NOX4: variants seen among roughly 807,000 people sequenced by gnomAD.
The protein encoded by NOX4 is kidney oxidase-1.
In NOX4, 69 loss-of-function variants were observed where a neutral mutation model predicts 87.6. The observed-to-expected ratio is 0.79, with a 90% CI of 0.65 to 0.96. The LOEUF (loss-of-function observed/expected upper bound fraction) is 0.96. Among genes scored for constraint, NOX4 ranks in the 40% least tolerant of loss-of-function variants. The pLI is 0.00. For synonymous variants in NOX4, 275 were observed against 238.2 expected, an observed-to-expected ratio of 1.15 and a Z score of -1.42; for missense variants, 680 against 681.5, an observed-to-expected ratio of 1.00 and a Z score of 0.02.
chr11:89,513,396 T>G, the NOX4 span, among the ~76,000 whole-genome samples: 1 of 151,830 alleles, frequency 6.6e-6, no homozygotes, highest in South Asian at 2.1e-4. Flanking sequence ...ATGGAATACT[T>G]GACTTTAAAT....
intron 15 of NOX4, among the ~76,000 whole-genome samples, chr11:89,337,752 T>TAA (rs1309687074): frequency 6.6e-6 from 1 of 152,100 alleles, no homozygotes; most frequent in East Asian, 1.9e-4. Context: ...TGGTAGGGAA[T>TAA]AATTTTCTGT....
the NOX4 span, chr11:89,546,665 T>G: frequency 6.6e-6 from 1 of 152,258 alleles, no homozygotes; most frequent in East Asian, 1.9e-4. Context: ...ATCCAATGTC[T>G]AGACGCTGGC....
At chr11:89,330,552 T>G (rs1240804975) in intron 17 of NOX4, among the ~76,000 whole-genome samples, 1 of 151,696 alleles carries the variant, frequency 6.6e-6, no homozygotes, top group African/African-American at 2.4e-5. Flanking sequence ...GAATTTGCTT[T>G]TCTAACAAGA....
intron 2 of NOX4, among the ~76,000 whole-genome samples, chr11:89,478,993 C>T (rs917799312): frequency 1.4e-5 from 2 of 147,646 alleles, no homozygotes; most frequent in Non-Finnish European, 3.0e-5. Flanking sequence ...TAATGAGATC[C>T]TGTTTTGTTT....
At chr11:89,560,612 A>G in the NOX4 span, among the ~76,000 whole-genome samples, 3 of 152,010 alleles carry the variant, frequency 2.0e-5, no homozygotes, top group Non-Finnish European at 2.9e-5. Flanking sequence ...TCTGCCCTCA[A>G]TGTGTGTGGT....
At chr11:89,456,491 C>A (rs888726527) in intron 2 of NOX4, among the ~76,000 whole-genome samples, 96 of 152,196 alleles carry the variant, frequency 6.3e-4, no homozygotes, top group African/African-American at 2.0e-3. Flanking sequence ...AAACTCTGAG[C>A]AGATCTTCAG....
At chr11:89,491,413 G>A, upstream of NOX4, 1 of 617,554 alleles carries the variant, frequency 1.6e-6, no homozygotes, top group East Asian at 3.2e-5. Flanking sequence ...AGCCCGGGCG[G>A]GGTCTGCTAC....
At chr11:89,483,370 A>G (rs969484425) in intron 2 of NOX4, among the ~76,000 whole-genome samples, 16 of 152,144 alleles carry the variant, frequency 1.1e-4, no homozygotes, top group African/African-American at 2.7e-4. Flanking sequence ...ATAAATGCAT[A>G]AAGAAAACAT....
At chr11:89,489,057 C>A in intron 2 of NOX4, 1 of 696,030 alleles carries the variant, frequency 1.4e-6, no homozygotes, top group Non-Finnish European at 2.6e-6. Context: ...TTTTTTTCAA[C>A]CCATTGGCTT....
intron 14 of NOX4, among the ~76,000 whole-genome samples, 181 bp downstream of exon 14, chr11:89,341,893 T>C (rs1198722772): frequency 6.6e-6 from 1 of 152,194 alleles, no homozygotes. Context: ...GAGAATATGC[T>C]AGCAGCCACA....
the NOX4 span, among the ~76,000 whole-genome samples, chr11:89,588,011 A>G: frequency 1.3e-5 from 2 of 152,138 alleles, no homozygotes; most frequent in Non-Finnish European, 2.9e-5. Flanking sequence ...ATTTCTTATA[A>G]TCTATTCTCT....
chr11:89,580,420 G>T, the NOX4 span, among the ~76,000 whole-genome samples: 1 of 152,134 alleles, frequency 6.6e-6, no homozygotes, highest in African/African-American at 2.4e-5. Context: ...GCATGCAAGT[G>T]ATCCTCCTCC....
At chr11:89,427,335 C>T (rs560782373) in intron 7 of NOX4, among the ~76,000 whole-genome samples, 13 of 152,286 alleles carry the variant, frequency 8.5e-5, no homozygotes, top group African/African-American at 2.2e-4. Context: ...TCCAAAGGAA[C>T]GCAGCTCCTC....
intron 17 of NOX4, among the ~76,000 whole-genome samples, chr11:89,334,054 T>A (rs1037818382): frequency 3.3e-5 from 5 of 151,752 alleles, no homozygotes; most frequent in African/African-American, 1.2e-4. Flanking sequence ...ACAGCCTCAA[T>A]CTATTTCCCT....
intron 12 of NOX4, among the ~76,000 whole-genome samples, chr11:89,369,146 T>C (rs1017032030): frequency 1.3e-5 from 2 of 152,022 alleles, no homozygotes; most frequent in Non-Finnish European, 2.9e-5. Context: ...ACAGTGCAGA[T>C]CCAGGCAGAA....
At chr11:89,504,368 G>A in the NOX4 span, among the ~76,000 whole-genome samples, 1 of 151,966 alleles carries the variant, frequency 6.6e-6, no homozygotes, top group Non-Finnish European at 1.5e-5. Context: ...TATAATATAT[G>A]GGACAAAATA....
intron 4 of NOX4, among the ~76,000 whole-genome samples, chr11:89,445,743 A>G (rs1944674843): frequency 6.6e-6 from 1 of 152,268 alleles, no homozygotes; most frequent in East Asian, 1.9e-4. Context: ...CCAAATGTAA[A>G]ATGCAAAACC....
the NOX4 span, among the ~76,000 whole-genome samples, chr11:89,510,002 C>T: frequency 6.6e-6 from 1 of 152,024 alleles, no homozygotes; most frequent in Admixed American, 6.6e-5. Flanking sequence ...TAATTTGAAC[C>T]TACGGAGTGG....
chr11:89,581,160 T>C, the NOX4 span, among the ~76,000 whole-genome samples: 2 of 152,128 alleles, frequency 1.3e-5, no homozygotes, highest in Non-Finnish European at 2.9e-5. Flanking sequence ...TAGATGTGGG[T>C]AAGGCATGTG....
Sources: gnomAD v4.1 joint callset for allele counts (sites outside exome capture counted in the v4.1 genomes callset) on GRCh38, gnomAD v4.1.1 for gene constraint, MANE v1.5 for transcripts, NCBI Gene and HGNC (gene_info 2026-07-23, HGNC 2026-07-21) for gene names.